The following CAPN8 variants were observed in gnomAD, a reference collection of about 807,000 sequenced individuals.
CAPN8 encodes the protein calpain-8.
CAPN8 carries 87 observed loss-of-function variants against 80.9 expected under a neutral mutation model. The ratio of observed to expected loss-of-function variants is 1.07; its 90% CI spans 0.90 to 1.28. The LOEUF (loss-of-function observed/expected upper bound fraction) is 1.28. CAPN8 is among the 50% of genes most tolerant of loss of function. The pLI is 0.00. For missense variants in CAPN8, 757 were observed against 702.0 expected (o/e 1.08, Z -0.89); for synonymous variants, 299 against 273.8 (o/e 1.09, Z -0.91).
chr1:223,541,727 A>C lies in CAPN8; in HGVS notation c.*109T>G. 1 of 1,522,924 alleles carries C rather than the reference A, an allele frequency of 6.6e-7. No individual in the cohort carries two copies. The highest frequency in any genetic ancestry group is 8.9e-7 in the Non-Finnish European group (1 of 1,121,838). 94.3% of individuals were successfully genotyped at this position (1,522,924 alleles called of 1,614,324 possible). A position where few individuals can be genotyped will look rare whatever the true frequency, so the allele number is the denominator to read the frequency against. ...ATAGACCCAGGGCAAGAAAGGTATGAACAACCAGTGAATGCCACTGGAGCA... is the reference window on the plus strand; with the variant it reads ...ATAGACCCAGGGCAAGAAAGGTATGCACAACCAGTGAATGCCACTGGAGCA... On this transcript the variant is annotated 3_prime_UTR_variant, in exon 21 of 21. Transcript: ENST00000366872.
At chr1:223,550,426 C>A (rs1466165876) in intron 15 of CAPN8, among the ~76,000 whole-genome samples, 1 of 152,182 alleles carries the variant, frequency 6.6e-6, no homozygotes. Context: ...CTCCCTGTGT[C>A]CTCCTGTGGG....
At chr1:223,647,692 G>T (rs1658228918) in intron 2 of CAPN8, among the ~76,000 whole-genome samples, 3 of 151,908 alleles carry the variant, frequency 2.0e-5, no homozygotes, top group African/African-American at 4.8e-5. Flanking sequence ...TCATATTTTT[G>T]GTTTACAGGA....
chr1:223,637,256 G>C (rs1265613474), intron 2 of CAPN8, among the ~76,000 whole-genome samples: 1 of 152,080 alleles, frequency 6.6e-6, no homozygotes, highest in Non-Finnish European at 1.5e-5. Flanking sequence ...AGCTTGACTG[G>C]GTCTCCAGTG....
At chr1:223,626,568 T>C (rs1657584913) in intron 5 of CAPN8, among the ~76,000 whole-genome samples, 1 of 152,164 alleles carries the variant, frequency 6.6e-6, no homozygotes, top group African/African-American at 2.4e-5. Flanking sequence ...CAGCCTCTGG[T>C]TTCAGAACTT....
intron 19 of CAPN8, 34 bp from the exon 20 acceptor site, chr1:223,543,200 AG>A: frequency 6.4e-7 from 1 of 1,550,508 alleles, no homozygotes; most frequent in Non-Finnish European, 8.7e-7. Context: ...AAATTAGATA[AG>A]GCTGTTCCTG....
chr1:223,647,783 T>C (rs1658231415), intron 2 of CAPN8, among the ~76,000 whole-genome samples: 1 of 152,214 alleles, frequency 6.6e-6, no homozygotes, highest in Non-Finnish European at 1.5e-5. Context: ...AAATATGTTT[T>C]TTAAAAATTA....
chr1:223,547,260 G>A (rs1656649084), intron 16 of CAPN8, among the ~76,000 whole-genome samples: 1 of 151,954 alleles, frequency 6.6e-6, no homozygotes, highest in African/African-American at 2.4e-5. Context: ...GTGAAAGACT[G>A]TATTTTTAAA....
intron 9 of CAPN8, chr1:223,618,299 A>T: frequency 6.4e-7 from 1 of 1,550,496 alleles, no homozygotes; most frequent in Non-Finnish European, 8.7e-7. Flanking sequence ...GGGACACATT[A>T]GTGATCTTCT....
At chr1:223,637,938 GT>G (rs2102722331) in intron 2 of CAPN8, among the ~76,000 whole-genome samples, 1 of 152,272 alleles carries the variant, frequency 6.6e-6, no homozygotes, top group South Asian at 2.1e-4. Context: ...ACAGTTTATT[GT>G]GCAAGATCAT....
chr1:223,619,198 AAAC>A, intron 9 of CAPN8, 92 bp downstream of exon 9: 2 of 1,450,816 alleles, frequency 1.4e-6, no homozygotes, highest in Non-Finnish European at 1.9e-6. Context: ...TGTCTCAAAA[AAAC>A]ACACAAAATA....
chr1:223,641,610 C>T (rs906400627), intron 2 of CAPN8, among the ~76,000 whole-genome samples: 3 of 152,204 alleles, frequency 2.0e-5, no homozygotes, highest in Non-Finnish European at 4.4e-5. Context: ...CAGAGCCCTG[C>T]GTGATCTGGC....
At chr1:223,614,428 A>G (rs980489702) in intron 10 of CAPN8, among the ~76,000 whole-genome samples, 6 of 151,126 alleles carry the variant, frequency 4.0e-5, no homozygotes, top group Admixed American at 6.6e-5. Flanking sequence ...GGCCTGATGG[A>G]TGAAGAACTG....
intron 2 of CAPN8, chr1:223,642,702 G>A: frequency 2.3e-6 from 1 of 425,930 alleles, no homozygotes. Context: ...TTTCAGTGGA[G>A]AGGAAAAGGA....
chr1:223,628,571 C>G, intron 3 of CAPN8, 91 bp downstream of exon 3: 2 of 993,600 alleles, frequency 2.0e-6, no homozygotes, highest in Non-Finnish European at 3.0e-6. Context: ...GGTCACTGTG[C>G]CCCAAACCCA....
intron 2 of CAPN8, among the ~76,000 whole-genome samples, chr1:223,632,434 G>T (rs1311995637): frequency 6.6e-6 from 1 of 152,148 alleles, no homozygotes; most frequent in Non-Finnish European, 1.5e-5. Context: ...GTGCAGTAGT[G>T]CAACCATGGC....
At chr1:223,542,138 A>G (rs1319425636) in intron 20 of CAPN8, among the ~76,000 whole-genome samples, 1 of 152,150 alleles carries the variant, frequency 6.6e-6, no homozygotes, top group African/African-American at 2.4e-5. Flanking sequence ...ACATACATAT[A>G]TACACAATAG....
intron 11 of CAPN8, among the ~76,000 whole-genome samples, chr1:223,611,243 G>A (rs917931331): frequency 2.6e-5 from 4 of 152,172 alleles, no homozygotes; most frequent in African/African-American, 4.8e-5. Flanking sequence ...CCAGCAGGAC[G>A]CTGGACCAAA....
At chr1:223,663,515 A>G (rs894398088) in intron 1 of CAPN8, among the ~76,000 whole-genome samples, 4 of 152,070 alleles carry the variant, frequency 2.6e-5, no homozygotes, top group Non-Finnish European at 5.9e-5. Flanking sequence ...GTCTCCCCAC[A>G]CTTTCCATCA....
At chr1:223,626,173 T>C (rs1657571297) in intron 5 of CAPN8, among the ~76,000 whole-genome samples, 1 of 151,796 alleles carries the variant, frequency 6.6e-6, no homozygotes, top group African/African-American at 2.4e-5. Flanking sequence ...TCTCTGAGAG[T>C]GACCCCCAGC....
Sources: allele counts gnomAD v4.1 joint callset (sites outside exome capture counted in the v4.1 genomes callset), GRCh38; gene constraint gnomAD v4.1.1; transcripts MANE v1.5; gene names NCBI Gene and HGNC (gene_info 2026-07-23, HGNC 2026-07-21).